RPTOR: variants seen among roughly 807,000 people sequenced by gnomAD.
RPTOR encodes regulatory associated protein of MTOR complex 1.
A neutral mutation model predicts 169.9 loss-of-function variants in RPTOR; 21 were observed. That is an observed-to-expected ratio of 0.12 (90% CI 0.09 to 0.18). The LOEUF is 0.18. Among genes scored for constraint, RPTOR ranks in the 10% least tolerant of loss-of-function variants. The pLI is 1.00. For missense variants in RPTOR, 1,133 were observed against 1,855.9 expected (o/e 0.61, Z 7.16); for synonymous variants, 732 against 753.2 (o/e 0.97, Z 0.46).
At chr17:80,945,918 C>T (rs1408511199) in intron 26 of RPTOR, 137 bp downstream of exon 26, 3 of 498,106 alleles carry the variant, frequency 6.0e-6, no homozygotes, top group East Asian at 3.5e-5. Context: ...GCACTGTTTC[C>T]TGAGAAACGG....
chr17:80,545,951 T>C (rs1054719022), intron 1 of RPTOR, among the ~76,000 whole-genome samples, 160 bp downstream of exon 1: 11 of 152,178 alleles, frequency 7.2e-5, no homozygotes, highest in Non-Finnish European at 1.2e-4. Context: ...CAGTTTTTGG[T>C]TGAAAATGGA....
intron 1 of RPTOR, among the ~76,000 whole-genome samples, chr17:80,579,412 G>A (rs1279389353): frequency 2.6e-5 from 4 of 152,228 alleles, no homozygotes; most frequent in South Asian, 2.1e-4. Context: ...GGCTGGTTTC[G>A]AACTCCCGAC....
At chr17:80,671,579 T>C (rs1156442431) in intron 3 of RPTOR, among the ~76,000 whole-genome samples, 1 of 151,852 alleles carries the variant, frequency 6.6e-6, no homozygotes, top group Non-Finnish European at 1.5e-5. Context: ...GGGAAGGGGG[T>C]CCACTCATAT....
intron 20 of RPTOR, among the ~76,000 whole-genome samples, chr17:80,894,091 G>C (rs932144586): frequency 1.3e-5 from 2 of 151,958 alleles, no homozygotes; most frequent in African/African-American, 4.8e-5. Flanking sequence ...AGGCTGCTCC[G>C]GAGCCATCGG....
intron 9 of RPTOR, among the ~76,000 whole-genome samples, chr17:80,827,698 G>A (rs12952914): frequency 1.3e-5 from 2 of 152,122 alleles, no homozygotes; most frequent in African/African-American, 2.4e-5. Context: ...GAGTAAAGTC[G>A]CAGAGCCCAG....
intron 17 of RPTOR, 38 bp from the exon 18 acceptor site, chr17:80,891,682 C>T: frequency 1.5e-6 from 2 of 1,359,356 alleles, no homozygotes; most frequent in Middle Eastern, 3.7e-4. Context: ...CATTTTCCAG[C>T]CCCAGTGACT....
chr17:80,602,884 A>G, intron 1 of RPTOR: 1 of 478,382 alleles, frequency 2.1e-6, no homozygotes, highest in Non-Finnish European at 3.9e-6. Flanking sequence ...CTGATTGCAG[A>G]ATGGCCGTTT....
At chr17:80,679,715 C>G (rs2143702522) in intron 3 of RPTOR, among the ~76,000 whole-genome samples, 1 of 152,336 alleles carries the variant, frequency 6.6e-6, no homozygotes, top group South Asian at 2.1e-4. Context: ...GTTGAAGTGT[C>G]TTCAGAATTA....
At chr17:80,548,327 A>G (rs913728326) in intron 1 of RPTOR, among the ~76,000 whole-genome samples, 1 of 147,408 alleles carries the variant, frequency 6.8e-6, no homozygotes, top group Admixed American at 6.7e-5. Flanking sequence ...TCCTCCAAAA[A>G]TGCTAGGATT....
chr17:80,932,583 G>T (rs926745462), intron 24 of RPTOR, among the ~76,000 whole-genome samples: 10 of 152,038 alleles, frequency 6.6e-5, no homozygotes, highest in African/African-American at 2.4e-4. Context: ...TCAAGTGAAT[G>T]CCCCCCAGAG....
intron 3 of RPTOR, among the ~76,000 whole-genome samples, chr17:80,676,475 A>G (rs893026174): frequency 6.6e-6 from 1 of 152,172 alleles, no homozygotes; most frequent in Non-Finnish European, 1.5e-5. Context: ...TCTGGACATC[A>G]GCGCTGTGGG....
At chr17:80,766,133 G>A (rs868833643) in intron 6 of RPTOR, among the ~76,000 whole-genome samples, 3 of 152,096 alleles carry the variant, frequency 2.0e-5, no homozygotes, top group African/African-American at 4.8e-5. Flanking sequence ...ACGGCCCACC[G>A]TAGTCTCAAC....
chr17:80,635,934 C>A (rs2065502889), intron 2 of RPTOR, among the ~76,000 whole-genome samples: 1 of 152,064 alleles, frequency 6.6e-6, no homozygotes, highest in Non-Finnish European at 1.5e-5. Flanking sequence ...TGACGGGGGC[C>A]ATGGAGGAAG....
intron 7 of RPTOR, among the ~76,000 whole-genome samples, chr17:80,804,109 T>C (rs991069871): frequency 6.6e-6 from 1 of 152,194 alleles, no homozygotes; most frequent in African/African-American, 2.4e-5. Context: ...ATGGGGAAAC[T>C]GAGGCACTTA....
chr17:80,785,756 AATGACAGTC>A (rs1342497999), intron 6 of RPTOR, among the ~76,000 whole-genome samples: 1 of 152,110 alleles, frequency 6.6e-6, no homozygotes, highest in African/African-American at 2.4e-5. Flanking sequence ...TCACAGTGAC[AATGACAGTC>A]ATGATGGGGA....
At chr17:80,685,868 G>A (rs2065943282) in intron 3 of RPTOR, among the ~76,000 whole-genome samples, 1 of 151,226 alleles carries the variant, frequency 6.6e-6, no homozygotes, top group Non-Finnish European at 1.5e-5. Context: ...ACTCGGAAAT[G>A]CCCGACAAGA....
chr17:80,912,012 G>A (rs917115404), intron 21 of RPTOR, among the ~76,000 whole-genome samples: 1 of 152,180 alleles, frequency 6.6e-6, no homozygotes. Flanking sequence ...CGTCACATCT[G>A]CCTGCTACGG....
intron 7 of RPTOR, among the ~76,000 whole-genome samples, chr17:80,811,714 A>C (rs1460204714): frequency 1.3e-5 from 2 of 148,182 alleles, no homozygotes; most frequent in Non-Finnish European, 3.0e-5. Flanking sequence ...ACCTCACTCT[A>C]CCCAAGGGAC....
intron 24 of RPTOR, among the ~76,000 whole-genome samples, chr17:80,930,325 GCTCATC>G (rs762123728): frequency 0.1 from 5,030 of 48,930 alleles, 5 homozygotes; most frequent in Middle Eastern, 0.18. Flanking sequence ...GCTCAGCTCA[GCTCATC>G]CTCAGCTCAT....
Sources: allele counts gnomAD v4.1 joint callset (sites outside exome capture counted in the v4.1 genomes callset), GRCh38; gene constraint gnomAD v4.1.1; transcripts MANE v1.5; gene names NCBI Gene and HGNC (gene_info 2026-07-23, HGNC 2026-07-21).